Variants in NXPE2 observed in about 807,000 individuals in gnomAD.
The protein encoded by NXPE2 is NXPE family member 2.
Under a neutral mutation model 34.4 loss-of-function variants are expected in NXPE2, and 34 were observed. The ratio of observed to expected loss-of-function variants is 0.99; its 90% confidence interval spans 0.75 to 1.31. NXPE2 has a LOEUF of 1.31. NXPE2 is among the 40% of genes most tolerant of loss of function. NXPE2 has a pLI of 0.00. For synonymous variants in NXPE2, 235 were observed against 231.3 expected (o/e 1.02, Z -0.15); for missense variants, 649 against 672.5 (o/e 0.97, Z 0.39).
chr11:114,534,793 A>C, the NXPE2 span, among the ~76,000 whole-genome samples: 1 of 152,240 alleles, frequency 6.6e-6, no homozygotes, highest in Non-Finnish European at 1.5e-5. Context: ...AAAAGACCAA[A>C]TCTACGTCTA....
chr11:114,597,685 C>T, the NXPE2 span, among the ~76,000 whole-genome samples: 5 of 151,862 alleles, frequency 3.3e-5, no homozygotes, highest in African/African-American at 1.2e-4. Flanking sequence ...ATCACTTTGT[C>T]AGGGGATATG....
At chr11:114,650,840 CAG>C in the NXPE2 span, among the ~76,000 whole-genome samples, 21,204 of 152,004 alleles carry the variant, frequency 0.14, 1,883 homozygotes, top group South Asian at 0.2. Context: ...ACCCGGAAAA[CAG>C]AGTCTCACTG....
chr11:114,470,858 C>G, the NXPE2 span, among the ~76,000 whole-genome samples: 1 of 152,160 alleles, frequency 6.6e-6, no homozygotes, highest in Non-Finnish European at 1.5e-5. Context: ...CTGCTTTACT[C>G]AGAGTCTACT....
the NXPE2 span, among the ~76,000 whole-genome samples, chr11:114,644,054 GCTCT>G: frequency 0.095 from 14,446 of 151,776 alleles, 823 homozygotes; most frequent in African/African-American, 0.16. Flanking sequence ...TAATGTTTTG[GCTCT>G]CTATTATTGG....
the NXPE2 span, among the ~76,000 whole-genome samples, chr11:114,669,499 T>A: frequency 3.2e-4 from 49 of 152,218 alleles, 1 homozygote; most frequent in South Asian, 9.9e-3. Flanking sequence ...TACCCAAGAA[T>A]GGCTTAGAAG....
At chr11:114,561,553 C>T in the NXPE2 span, among the ~76,000 whole-genome samples, 1 of 152,164 alleles carries the variant, frequency 6.6e-6, no homozygotes, top group Non-Finnish European at 1.5e-5. Context: ...AGACTGAGTA[C>T]ATATTTTTTC....
At chr11:114,561,960 C>T in the NXPE2 span, among the ~76,000 whole-genome samples, 1 of 152,054 alleles carries the variant, frequency 6.6e-6, no homozygotes, top group South Asian at 2.1e-4. Context: ...TTCTTTATTT[C>T]ACGTATCATA....
chr11:114,582,485 G>T, the NXPE2 span: 1 of 1,614,124 alleles, frequency 6.2e-7, no homozygotes. Context: ...CTTGGGAAGT[G>T]CCATTGACAA....
the NXPE2 span, among the ~76,000 whole-genome samples, chr11:114,495,276 G>C: frequency 5.9e-5 from 9 of 151,942 alleles, no homozygotes; most frequent in African/African-American, 1.4e-4. Flanking sequence ...GGGAAATCCA[G>C]CCAGGCTTAC....
chr11:114,651,511 G>C, the NXPE2 span, among the ~76,000 whole-genome samples: 2 of 152,212 alleles, frequency 1.3e-5, no homozygotes, highest in Non-Finnish European at 2.9e-5. Flanking sequence ...GAACAAACCT[G>C]CCACAGCATG....
the NXPE2 span, among the ~76,000 whole-genome samples, chr11:114,725,141 G>C: frequency 6.6e-6 from 1 of 151,970 alleles, no homozygotes; most frequent in Admixed American, 6.6e-5. Context: ...ATAGAACTTT[G>C]AGTTAACAAG....
the NXPE2 span, among the ~76,000 whole-genome samples, chr11:114,802,417 C>A: frequency 6.6e-6 from 1 of 152,204 alleles, no homozygotes; most frequent in East Asian, 1.9e-4. Flanking sequence ...TGTGAAATAT[C>A]CTACAGAAGA....
At chr11:114,566,166 G>A in the NXPE2 span, among the ~76,000 whole-genome samples, 1 of 152,130 alleles carries the variant, frequency 6.6e-6, no homozygotes, top group Non-Finnish European at 1.5e-5. Flanking sequence ...AGTCCTAAGT[G>A]CAGTGGAGAA....
At chr11:114,627,374 T>A in the NXPE2 span, among the ~76,000 whole-genome samples, 3 of 151,902 alleles carry the variant, frequency 2.0e-5, no homozygotes, top group Non-Finnish European at 4.4e-5. Flanking sequence ...TCAACATTCT[T>A]AAAGAGAAGA....
the NXPE2 span, among the ~76,000 whole-genome samples, chr11:114,533,012 A>G: frequency 6.6e-6 from 1 of 152,246 alleles, no homozygotes; most frequent in Non-Finnish European, 1.5e-5. Flanking sequence ...AAACATTTTA[A>G]AAGTCAAGGA....
chr11:114,687,267 C>T (rs1187320368), intron 2 of NXPE2, among the ~76,000 whole-genome samples: 2 of 151,894 alleles, frequency 1.3e-5, no homozygotes, highest in Non-Finnish European at 1.5e-5. Context: ...AAGTCTTTAA[C>T]CCATTTTGAG....
chr11:114,727,783 AC>A, the NXPE2 span, among the ~76,000 whole-genome samples: 627 of 135,030 alleles, frequency 4.6e-3, 2 homozygotes, highest in African/African-American at 0.015. Context: ...CAACACACAC[AC>A]ACACACACAC....
the NXPE2 span, among the ~76,000 whole-genome samples, chr11:114,810,236 C>T: frequency 1.3e-5 from 2 of 150,582 alleles, no homozygotes. Flanking sequence ...ACCATAAAAA[C>T]CCTAGAAGAA....
chr11:114,561,911 ATT>A, the NXPE2 span, among the ~76,000 whole-genome samples: 1 of 151,976 alleles, frequency 6.6e-6, no homozygotes, highest in Non-Finnish European at 1.5e-5. Context: ...TCTCCAGTTT[ATT>A]GTTTTCATTT....
Sources: gnomAD v4.1 joint callset for allele counts (sites outside exome capture counted in the v4.1 genomes callset) on GRCh38, gnomAD v4.1.1 for gene constraint, MANE v1.5 for transcripts, NCBI Gene and HGNC (gene_info 2026-07-23, HGNC 2026-07-21) for gene names.